Variants in ANO3 observed in about 807,000 individuals in gnomAD.
ANO3 encodes the protein anoctamin 3, also known as anoctamin-3.
A neutral mutation model predicts 144.8 loss-of-function variants in ANO3; 99 were observed. The observed-to-expected ratio is 0.68, with a 90% CI of 0.58 to 0.81. The LOEUF (loss-of-function observed/expected upper bound fraction) is 0.81, where lower values mean the gene tolerates loss of function less well. Ranked by LOEUF, ANO3 falls within the 30% of genes least tolerant of loss-of-function variation. The pLI is 0.00. For missense variants in ANO3, 905 were observed against 1,202.2 expected, an observed-to-expected ratio of 0.75 and a Z score of 3.66; for synonymous variants, 414 against 392.6, an observed-to-expected ratio of 1.05 and a Z score of -0.64.
intron 1 of ANO3, among the ~76,000 whole-genome samples, chr11:26,439,101 T>C (rs1205602409): frequency 2.0e-5 from 3 of 152,180 alleles, no homozygotes; most frequent in African/African-American, 7.2e-5. Flanking sequence ...ACAACTTGTA[T>C]GGGAACAACT....
intron 1 of ANO3, among the ~76,000 whole-genome samples, chr11:26,222,158 C>G (rs1852158991): frequency 6.6e-6 from 1 of 152,214 alleles, no homozygotes; most frequent in Non-Finnish European, 1.5e-5. Flanking sequence ...CAAGATAAGT[C>G]TTACCATCCC....
At chr11:26,412,826 G>GTGTGTGTGTA (rs1157559353) in intron 1 of ANO3, among the ~76,000 whole-genome samples, 9 of 151,222 alleles carry the variant, frequency 6.0e-5, no homozygotes, top group East Asian at 5.8e-4. Flanking sequence ...GTGTGTGTGT[G>GTGTGTGTGTA]TGTATGTATG....
At chr11:26,424,987 A>G (rs1267555407) in intron 1 of ANO3, among the ~76,000 whole-genome samples, 1 of 136,010 alleles carries the variant, frequency 7.4e-6, no homozygotes, top group Non-Finnish European at 1.6e-5. Context: ...TGCTGCACCC[A>G]TTAACTCGTC....
At chr11:26,482,922 G>A (rs1860281555) in intron 4 of ANO3, among the ~76,000 whole-genome samples, 1 of 152,078 alleles carries the variant, frequency 6.6e-6, no homozygotes, top group South Asian at 2.1e-4. Context: ...CAAAAGACAT[G>A]ATTTCACTCC....
At chr11:26,481,294 G>A (rs778276721) in intron 4 of ANO3, among the ~76,000 whole-genome samples, 20 of 152,122 alleles carry the variant, frequency 1.3e-4, no homozygotes, top group Non-Finnish European at 1.0e-4. Context: ...AAGGATACAG[G>A]TGGTTAGAAA....
intron 1 of ANO3, among the ~76,000 whole-genome samples, chr11:26,360,190 T>A: frequency 8.0e-6 from 1 of 124,636 alleles, no homozygotes; most frequent in East Asian, 2.8e-4. Context: ...CCCGCCCTTT[T>A]TTTTTCCACT....
At chr11:26,351,160 C>A (rs1234991998) in intron 1 of ANO3, among the ~76,000 whole-genome samples, 7 of 152,078 alleles carry the variant, frequency 4.6e-5, no homozygotes, top group Non-Finnish European at 8.8e-5. Flanking sequence ...TTAATTTTTG[C>A]CTTTTTTCTC....
chr11:26,246,482 T>TATATA (rs1564932370), intron 1 of ANO3, among the ~76,000 whole-genome samples: 2 of 134,868 alleles, frequency 1.5e-5, no homozygotes, highest in African/African-American at 5.5e-5. Flanking sequence ...ATATATATAT[T>TATATA]ATGAGTATAA....
At chr11:26,247,361 C>A (rs1443376718) in intron 1 of ANO3, among the ~76,000 whole-genome samples, 2 of 152,164 alleles carry the variant, frequency 1.3e-5, no homozygotes, top group Admixed American at 1.3e-4. Flanking sequence ...CATTTCAATG[C>A]CACTTTTATC....
At chr11:26,505,920 G>A (rs975679735) in intron 4 of ANO3, among the ~76,000 whole-genome samples, 8 of 147,402 alleles carry the variant, frequency 5.4e-5, no homozygotes, top group Non-Finnish European at 1.2e-4. Flanking sequence ...GTGAATCCCG[G>A]AGGCGGAGCT....
intron 1 of ANO3, among the ~76,000 whole-genome samples, chr11:26,428,151 C>G (rs569819255): frequency 6.6e-6 from 1 of 152,158 alleles, no homozygotes; most frequent in South Asian, 2.1e-4. Flanking sequence ...ACATAATCAA[C>G]AAACATTCAA....
chr11:26,647,703 T>A lies in ANO3; in HGVS notation c.2429-6T>A. 1 of 1,597,610 alleles carries A rather than the reference T, an allele frequency of 6.3e-7. No homozygotes were observed. The highest frequency in any genetic ancestry group is 8.6e-7 in the Non-Finnish European group (1 of 1,169,012). On this transcript the variant is annotated splice_region_variant and splice_polypyrimidine_tract_variant and intron_variant, in intron 23 of 26. Coordinates refer to ENST00000256737, the MANE Select transcript of ANO3 (RefSeq NM_031418.4). ...TGTTCACCATGATTAATCTTTCTCT[T>A]ACCAGGTATCTGGCTTGGAATTCTC...
chr11:26,548,295 T>C (rs1467414992), intron 12 of ANO3, among the ~76,000 whole-genome samples: 1 of 151,996 alleles, frequency 6.6e-6, no homozygotes, highest in Non-Finnish European at 1.5e-5. Flanking sequence ...CAGCACATTG[T>C]TATTCAGCAA....
chr11:26,242,087 G>A (rs183086660), intron 1 of ANO3, among the ~76,000 whole-genome samples: 341 of 152,252 alleles, frequency 2.2e-3, no homozygotes, highest in African/African-American at 7.7e-3. Context: ...AAAATAGCCT[G>A]AACAAAAGCA....
chr11:26,420,896 A>G (rs1006972497), intron 1 of ANO3, among the ~76,000 whole-genome samples: 1 of 152,116 alleles, frequency 6.6e-6, no homozygotes, highest in Non-Finnish European at 1.5e-5. Context: ...GAGAGTAGAT[A>G]TGAAAATAAG....
At chr11:26,441,467 T>C (rs1858521433) in intron 1 of ANO3, among the ~76,000 whole-genome samples, 1 of 152,106 alleles carries the variant, frequency 6.6e-6, no homozygotes, top group Admixed American at 6.5e-5. Context: ...AGCCTCTAAG[T>C]CACTGTTAGG....
At chr11:26,377,583 C>T (rs981650123) in intron 1 of ANO3, among the ~76,000 whole-genome samples, 1 of 152,024 alleles carries the variant, frequency 6.6e-6, no homozygotes, top group African/African-American at 2.4e-5. Flanking sequence ...GAAATTTTAA[C>T]ATGTCTAATT....
chr11:26,583,752 A>G (rs11821751), intron 14 of ANO3, among the ~76,000 whole-genome samples: 2,125 of 152,334 alleles, frequency 0.014, 51 homozygotes, highest in African/African-American at 0.048. Context: ...GGGAAAGCAC[A>G]TTATGCTTGA....
At chr11:26,426,523 G>A (rs750023141) in intron 1 of ANO3, among the ~76,000 whole-genome samples, 2 of 152,110 alleles carry the variant, frequency 1.3e-5, no homozygotes, top group African/African-American at 2.4e-5. Flanking sequence ...ATGCTCATAA[G>A]CAGTATTATT....
Sources: allele counts gnomAD v4.1 joint callset (sites outside exome capture counted in the v4.1 genomes callset), GRCh38; gene constraint gnomAD v4.1.1; transcripts MANE v1.5; gene names NCBI Gene and HGNC (gene_info 2026-07-23, HGNC 2026-07-21).